Variants in NBEAL1 observed in about 807,000 individuals in gnomAD.
The protein encoded by NBEAL1 is neurobeachin like 1.
A neutral mutation model predicts 351.3 loss-of-function variants in NBEAL1; 273 were observed. The observed-to-expected ratio is 0.78, with a 90% CI of 0.70 to 0.86. NBEAL1 has a LOEUF of 0.86. NBEAL1 is among the 40% of genes least tolerant of loss of function. The pLI is 0.00. For missense variants in NBEAL1, 2,961 were observed against 3,201.3 expected, an observed-to-expected ratio of 0.92 and a Z score of 1.81; for synonymous variants, 1,050 against 1,086.4, an observed-to-expected ratio of 0.97 and a Z score of 0.66.
rs1374162788 is a variant in NBEAL1 at position 203,126,087 on chromosome 2, T to A, written c.2979T>A (p.Leu993=). The A allele has an allele frequency of 6.5e-7, 1 of 1,542,922 alleles. No homozygotes were observed. Residue 993 remains leucine, a synonymous_variant, in exon 21 of 56, where the codon CTT becomes CTA. Coordinates refer to ENST00000683969, the MANE Select transcript of NBEAL1 (RefSeq NM_001378026.1). The part of the protein sequence containing the change: ...SHGVATLGAL[L]QKVPSTLMDV... ...GAGTTGCAACTCTTGGTGCTTTACT[T>A]CAGAAGGTGAGCCAGTCTAACATTG...
At chr2:203,124,224 T>C (rs554223573) in intron 19 of NBEAL1, among the ~76,000 whole-genome samples, 2 of 152,242 alleles carry the variant, frequency 1.3e-5, no homozygotes, top group African/African-American at 4.8e-5. Context: ...TCTCAGCTAC[T>C]TGGGAGGCTG....
chr2:203,021,580 G>C (rs2060772747), intron 2 of NBEAL1, among the ~76,000 whole-genome samples: 2 of 151,924 alleles, frequency 1.3e-5, no homozygotes, highest in East Asian at 3.9e-4. Flanking sequence ...GGGTGACAGA[G>C]TGAGACCCCA....
intron 41 of NBEAL1, among the ~76,000 whole-genome samples, 185 bp downstream of exon 41, chr2:203,173,038 A>G (rs1189762062): frequency 6.6e-6 from 1 of 152,142 alleles, no homozygotes; most frequent in Non-Finnish European, 1.5e-5. Context: ...AATCTTGACT[A>G]TACTTGTGTT....
intron 12 of NBEAL1, among the ~76,000 whole-genome samples, chr2:203,104,820 G>A (rs1273758942): frequency 6.6e-6 from 1 of 151,698 alleles, no homozygotes; most frequent in African/African-American, 2.4e-5. Context: ...TAGTTTGGTT[G>A]GATATGAAAT....
intron 21 of NBEAL1, 139 bp from the exon 22 acceptor site, chr2:203,126,418 A>G: frequency 4.3e-6 from 3 of 693,554 alleles, no homozygotes; most frequent in Non-Finnish European, 6.5e-6. Flanking sequence ...AGAAAAACCA[A>G]TACTTAAGTT....
intron 25 of NBEAL1, 136 bp from the exon 26 acceptor site, chr2:203,131,837 T>G: frequency 3.5e-6 from 2 of 566,844 alleles, no homozygotes; most frequent in Non-Finnish European, 5.8e-6. Flanking sequence ...TTAATAGCAA[T>G]ACTTACTAAC....
At chr2:203,023,574 A>T (rs1046065330) in intron 2 of NBEAL1, among the ~76,000 whole-genome samples, 42 of 151,536 alleles carry the variant, frequency 2.8e-4, no homozygotes, top group African/African-American at 9.9e-4. Flanking sequence ...TAATGTGCAG[A>T]TGTGTAAGAG....
At chr2:203,099,733 CT>C (rs369733748) in intron 12 of NBEAL1, 21 bp downstream of exon 12, 74,832 of 1,079,088 alleles carry the variant, frequency 0.069, no homozygotes, top group South Asian at 0.096. Context: ...TATCCTCCAG[CT>C]TTTTTTTTTT....
rs1481278756 is a variant in NBEAL1 at position 203,167,211 on chromosome 2, T to C, written c.5864-16T>C. The stretch of plus-strand genomic sequence containing the variant: ...TTTATATGGTATCTCAGTCACAAGA[T>C]TTCTTCCGTTTTCAGGAGTAGGCTT... On this transcript the variant is annotated splice_polypyrimidine_tract_variant and intron_variant, in intron 37 of 55. Coordinates refer to ENST00000683969, the MANE Select transcript of NBEAL1 (RefSeq NM_001378026.1). 1 of 1,596,984 alleles carries C rather than the reference T, an allele frequency of 6.3e-7. No individual in the cohort carries two copies. The highest frequency in any genetic ancestry group is 8.5e-7 in the Non-Finnish European group (1 of 1,173,176).
chr2:203,167,881 T>C (rs1389706542), intron 38 of NBEAL1, among the ~76,000 whole-genome samples: 1 of 152,192 alleles, frequency 6.6e-6, no homozygotes, highest in Admixed American at 6.5e-5. Flanking sequence ...CAGGTATTAT[T>C]ACAGTTTGAC....
chr2:203,051,787 ATAAAT>A (rs1359537787), intron 4 of NBEAL1, among the ~76,000 whole-genome samples: 2 of 152,196 alleles, frequency 1.3e-5, no homozygotes. Context: ...GTTTCTTATG[ATAAAT>A]TTAATGTTCA....
chr2:203,064,598 G>A (rs2106115082), intron 6 of NBEAL1, among the ~76,000 whole-genome samples: 1 of 152,234 alleles, frequency 6.6e-6, no homozygotes, highest in Admixed American at 6.5e-5. Flanking sequence ...GAGAAAACAA[G>A]CAAATCCCAA....
At chr2:203,130,506 TTTGAGGC>T (rs1396153725) in intron 25 of NBEAL1, 30 bp downstream of exon 25, 2 of 1,360,290 alleles carry the variant, frequency 1.5e-6, no homozygotes, top group Non-Finnish European at 1.9e-6. Flanking sequence ...ATCTTTGTAT[TTTGAGGC>T]GTTTGTGGGT....
intron 36 of NBEAL1, among the ~76,000 whole-genome samples, chr2:203,164,263 A>C (rs7604998): frequency 0.3 from 44,903 of 151,688 alleles, 7,283 homozygotes; most frequent in East Asian, 0.61. Flanking sequence ...AAATATATAT[A>C]TATTACAAAT....
Position 203,083,539 on chromosome 2 carries a change from A to G in NBEAL1, c.991+14A>G. 6.7e-7 allele frequency: 1 copy of G among 1,485,306 alleles called. No individual in the cohort carries two copies. The highest frequency in any genetic ancestry group is 9.0e-7 in the Non-Finnish European group (1 of 1,115,896). The allele number at this position is 1,485,306 out of a possible 1,614,324, so 92.0% of individuals were successfully genotyped here. On this transcript the variant is annotated intron_variant, in intron 9 of 55. Coordinates refer to ENST00000683969, the MANE Select transcript of NBEAL1 (RefSeq NM_001378026.1). ...TCAAAATGCTGAGTAAGTATTACAT[A>G]ATGACAACTTTTTCTGAGTCTGTTT...
intron 15 of NBEAL1, 121 bp from the exon 16 acceptor site, chr2:203,111,858 T>C: frequency 4.4e-6 from 5 of 1,140,770 alleles, no homozygotes; most frequent in Non-Finnish European, 6.0e-6. Context: ...CAATTTAACA[T>C]TTACGTTTAA....
At chr2:203,051,786 G>C (rs1293259907) in intron 4 of NBEAL1, among the ~76,000 whole-genome samples, 1 of 152,068 alleles carries the variant, frequency 6.6e-6, no homozygotes, top group Non-Finnish European at 1.5e-5. Context: ...AGTTTCTTAT[G>C]ATAAATTTAA....
At chr2:203,090,382 A>T (rs1189497054) in intron 10 of NBEAL1, among the ~76,000 whole-genome samples, 1 of 152,082 alleles carries the variant, frequency 6.6e-6, no homozygotes, top group Non-Finnish European at 1.5e-5. Context: ...AGTGTCTGTT[A>T]TTCTATTTTG....
rs372557634 is a variant in NBEAL1 at position 203,204,378 on chromosome 2, G to A, written c.7506+1597G>A. Reference sequence around the variant, plus strand: ...CTCAGTCTGTCGTCCATGCTGGAGTGCAGTGGCAGTGGCACAATCATGGCT... The same window carrying A: ...CTCAGTCTGTCGTCCATGCTGGAGTACAGTGGCAGTGGCACAATCATGGCT... On this transcript the variant is annotated intron_variant, in intron 51 of 55. Transcript: ENST00000683969. Among the ~76,000 whole-genome samples the A allele has an allele frequency of 2.7e-4, 39 of 143,164 alleles. No individual in the cohort carries two copies. In the South Asian group the frequency reaches 8.2e-3, roughly 30 times the overall value. The allele number at this position is 143,164 out of a possible 152,430, so 93.9% of individuals were successfully genotyped here.
Sources: allele counts gnomAD v4.1 joint callset (sites outside exome capture counted in the v4.1 genomes callset), GRCh38; gene constraint gnomAD v4.1.1; transcripts MANE v1.5; gene names NCBI Gene and HGNC (gene_info 2026-07-23, HGNC 2026-07-21).